Variants in MYBL1 observed in about 807,000 individuals in gnomAD.
MYBL1 encodes the protein MYB proto-oncogene like 1.
MYBL1 carries 17 observed loss-of-function variants against 96.3 expected under a neutral mutation model. The observed-to-expected ratio is 0.18, with a 90% CI of 0.12 to 0.26. The LOEUF is 0.26. Ranked by LOEUF, MYBL1 falls within the 10% of genes least tolerant of loss-of-function variation. The pLI, the probability that MYBL1 is intolerant of heterozygous loss-of-function variation, is 1.00. For synonymous variants in MYBL1, 282 were observed against 292.7 expected (o/e 0.96, Z 0.37); for missense variants, 701 against 882.9 (o/e 0.79, Z 2.61).
intron 9 of MYBL1, among the ~76,000 whole-genome samples, chr8:66,578,515 T>G (rs1248388219): frequency 6.6e-6 from 1 of 151,866 alleles, no homozygotes; most frequent in Non-Finnish European, 1.5e-5. Context: ...GAAATGCAAA[T>G]CAAAACCACA....
chr8:66,603,706 G>A (rs73250233), intron 1 of MYBL1, among the ~76,000 whole-genome samples: 9 of 151,700 alleles, frequency 5.9e-5, no homozygotes, highest in South Asian at 2.1e-4. Context: ...TGCTCCACCC[G>A]CAATGCTGGT....
At chr8:66,579,706 C>A (rs1402078431) in intron 9 of MYBL1, among the ~76,000 whole-genome samples, 1 of 150,128 alleles carries the variant, frequency 6.7e-6, no homozygotes. Flanking sequence ...ATGCTCATGA[C>A]AGGGTGGAAA....
Position 66,580,256 on chromosome 8 carries a change from TTCA to T in MYBL1, c.975_977del (p.Asp325del). Reference sequence around the variant, plus strand: ...TCTGCTGAGCAGACACAGGCTGATTTTCATCCATACTGTAAAACTCACTAGTGT... The same window carrying T: ...TCTGCTGAGCAGACACAGGCTGATTTTCCATACTGTAAAACTCACTAGTGT... On this transcript the variant is annotated inframe_deletion, in exon 9 of 16. Transcript: ENST00000522677. 1 of 1,613,908 alleles carries T rather than the reference TTCA, an allele frequency of 6.2e-7. No individual in the cohort carries two copies. The highest frequency in any genetic ancestry group is 8.5e-7 in the Non-Finnish European group (1 of 1,179,832).
At chr8:66,565,969 T>C (rs1808486922) in intron 15 of MYBL1, 95 bp downstream of exon 15, 1 of 900,314 alleles carries the variant, frequency 1.1e-6, no homozygotes, top group East Asian at 2.9e-5. Context: ...CAATTTTGAA[T>C]TTAAAAGAAA....
At chr8:66,587,759 C>A (rs137881713) in intron 8 of MYBL1, among the ~76,000 whole-genome samples, 8 of 152,272 alleles carry the variant, frequency 5.3e-5, no homozygotes, top group African/African-American at 1.9e-4. Context: ...ATGGGAGCCA[C>A]TAGCCATATA....
intron 6 of MYBL1, among the ~76,000 whole-genome samples, chr8:66,594,610 G>A (rs983047035): frequency 1.1e-4 from 17 of 152,166 alleles, no homozygotes; most frequent in African/African-American, 4.1e-4. Context: ...GAAGCAGAAT[G>A]TTTCAGTTTA....
chr8:66,576,629 T>C (rs984257108), intron 9 of MYBL1, among the ~76,000 whole-genome samples: 6 of 152,170 alleles, frequency 3.9e-5, no homozygotes, highest in African/African-American at 1.4e-4. Context: ...GAACAAATGA[T>C]AAGTTATTAT....
intron 7 of MYBL1, 122 bp from the exon 8 acceptor site, chr8:66,592,666 T>G (rs1472830436): frequency 1.7e-6 from 1 of 584,910 alleles, no homozygotes. Flanking sequence ...AGCTTAATGC[T>G]ACTAAATACT....
rs771653067 is a variant in MYBL1 at position 66,583,647 on chromosome 8, C to T, written c.868-3281G>A. 1.3e-3 allele frequency among the ~76,000 whole-genome samples: 193 copies of T among 151,306 alleles called. 2 individuals are homozygous for T. Among genetic ancestry groups the T allele is most frequent in the Non-Finnish European group, 9.1e-4 (62 of 67,796 alleles). On this transcript the variant is annotated intron_variant, in intron 8 of 15. Transcript: ENST00000522677. ...AAAAAAGGAGACATTACAACTAATA[C>T]CACAGGAATACAAAGGATCATTAGA...
In MYBL1 at chr8:66,562,622, T is replaced by TA. The variant is rs1232645994; in HGVS notation, c.*2074dup. The TA allele has an allele frequency of 6.6e-6, 1 of 152,536 alleles. No individual in the cohort carries two copies. Among genetic ancestry groups the TA allele is most frequent in the Non-Finnish European group, 1.5e-5 (1 of 68,018 alleles). The allele number at this position is 152,536 out of a possible 1,614,324, so 9.4% of individuals were successfully genotyped here. ...AAATATGCTTTAAAAAATATAGCCT[T>TA]ACAAGATATTATACTTTGGTGATTG... On this transcript the variant is annotated 3_prime_UTR_variant, in exon 16 of 16. Transcript: ENST00000522677.
chr8:66,565,983 T>C, intron 15 of MYBL1, 81 bp downstream of exon 15: 1 of 951,306 alleles, frequency 1.1e-6, no homozygotes, highest in East Asian at 2.9e-5. Flanking sequence ...AAAGAAAAAG[T>C]ATAATTTGTG....
intron 6 of MYBL1, among the ~76,000 whole-genome samples, chr8:66,594,205 A>T (rs1809764718): frequency 6.6e-6 from 1 of 152,078 alleles, no homozygotes; most frequent in Admixed American, 6.5e-5. Context: ...GTAATGGTCT[A>T]CCTAAATCAC....
At chr8:66,602,699 C>CTATATATATATATATATATATA (rs67236935) in intron 1 of MYBL1, among the ~76,000 whole-genome samples, 176 bp from the exon 2 acceptor site, 1 of 27,264 alleles carries the variant, frequency 3.7e-5, no homozygotes, top group African/African-American at 1.5e-4. Flanking sequence ...TGGGGTGGAG[C>CTATATATATATATATATATATA]TATATATATA....
chr8:66,578,913 A>C (rs1379604119), intron 9 of MYBL1, among the ~76,000 whole-genome samples: 1 of 152,216 alleles, frequency 6.6e-6, no homozygotes, highest in Non-Finnish European at 1.5e-5. Context: ...AAAAAGGATG[A>C]GTTCATGTCC....
At chr8:66,588,824 A>C (rs1199329378) in intron 8 of MYBL1, among the ~76,000 whole-genome samples, 1 of 152,222 alleles carries the variant, frequency 6.6e-6, no homozygotes, top group Admixed American at 6.5e-5. Flanking sequence ...AATCAAGACC[A>C]TCCTGGCCAA....
chr8:66,580,125 T>G lies in MYBL1; in HGVS notation c.1101+8A>C. ...GAACTTTTGATAATCTTACAATTTT[T>G]TACTTACAGATTCAATAAGTTCTAG... On this transcript the variant is annotated splice_region_variant and intron_variant, in intron 9 of 15. Transcript: ENST00000522677. The G allele has an allele frequency of 6.3e-7, 1 of 1,575,842 alleles. No individual in the cohort carries two copies. Among genetic ancestry groups the G allele is most frequent in the Non-Finnish European group, 8.7e-7 (1 of 1,149,510 alleles).
At chr8:66,570,747 T>A (rs1044390423) in intron 12 of MYBL1, among the ~76,000 whole-genome samples, 3 of 152,218 alleles carry the variant, frequency 2.0e-5, no homozygotes, top group Non-Finnish European at 4.4e-5. Flanking sequence ...GGTAATTCCA[T>A]ACAATGGAAT....
intron 3 of MYBL1, among the ~76,000 whole-genome samples, chr8:66,600,535 G>T (rs750534203): frequency 2.0e-5 from 3 of 152,116 alleles, no homozygotes; most frequent in African/African-American, 2.4e-5. Context: ...TAAATATTAA[G>T]AATTGTGCCA....
At position 66,612,945 on chromosome 8, in the gene MYBL1, C is replaced by T; in HGVS notation, c.-107G>A. On this transcript the variant is annotated 5_prime_UTR_variant, in exon 1 of 16. Coordinates refer to ENST00000522677, the MANE Select transcript of MYBL1 (RefSeq NM_001080416.4). ...GATCCTCTAGCCGCTTCCCTCGCTCCCTCTGGAGGCGGCCGAGTGCGGAAC... is the reference window on the plus strand; with the variant it reads ...GATCCTCTAGCCGCTTCCCTCGCTCTCTCTGGAGGCGGCCGAGTGCGGAAC... 8.1e-7 allele frequency: 1 copy of T among 1,229,604 alleles called. No individual in the cohort carries two copies. The highest frequency in any genetic ancestry group is 1.5e-5 in the African/African-American group (1 of 64,696). 76.2% of individuals were successfully genotyped at this position (1,229,604 alleles called of 1,614,324 possible).
Sources: allele counts gnomAD v4.1 joint callset (sites outside exome capture counted in the v4.1 genomes callset), GRCh38; gene constraint gnomAD v4.1.1; transcripts MANE v1.5; gene names NCBI Gene and HGNC (gene_info 2026-07-23, HGNC 2026-07-21).